TP53BP1: variants seen among roughly 807,000 people sequenced by gnomAD.
TP53BP1 encodes the protein tumor protein p53 binding protein 1, also known as TP53-binding protein 1.
In TP53BP1, 61 loss-of-function variants were observed where a neutral mutation model predicts 200.8. That is an observed-to-expected ratio of 0.30 (90% CI 0.25 to 0.38). The LOEUF is 0.38. Ranked by LOEUF, TP53BP1 falls within the 10% of genes least tolerant of loss-of-function variation. The probability of loss-of-function intolerance (pLI) is 1.00; values close to 1 mark genes in which losing one functional copy is unlikely to be tolerated. For synonymous variants in TP53BP1, 822 were observed against 844.3 expected, an observed-to-expected ratio of 0.97 and a Z score of 0.46; for missense variants, 2,144 against 2,371.9, an observed-to-expected ratio of 0.90 and a Z score of 2.00.
rs1254058136 is a variant in TP53BP1 at position 43,491,677 on chromosome 15, C to T, written c.363G>A (p.Arg121=). The T allele has an allele frequency of 6.2e-7, 1 of 1,612,782 alleles. No individual in the cohort carries two copies. Among genetic ancestry groups the T allele is most frequent in the South Asian group, 1.1e-5 (1 of 91,052 alleles). ...QVIEQLPQPN[R]TSSVLGMSVE... Reference sequence around the variant, plus strand: ...CTTCAAACACTGTATACCTGCTTGTCCTGTTTGGCTGAGGTAACTGCTCAA... The same window carrying T: ...CTTCAAACACTGTATACCTGCTTGTTCTGTTTGGCTGAGGTAACTGCTCAA... Residue 121 remains arginine, a synonymous_variant, in exon 4 of 28, where the codon AGG becomes AGA. Coordinates refer to ENST00000382044, the MANE Select transcript of TP53BP1 (RefSeq NM_001141980.3).
chr15:43,450,033 C>T (rs2046130187), intron 12 of TP53BP1, among the ~76,000 whole-genome samples: 1 of 152,204 alleles, frequency 6.6e-6, no homozygotes, highest in Admixed American at 6.5e-5. Context: ...ATTTCTCTAA[C>T]ATTTAGCAAT....
intron 10 of TP53BP1, among the ~76,000 whole-genome samples, chr15:43,471,460 TC>T (rs1375397392): frequency 6.6e-6 from 1 of 151,956 alleles, no homozygotes; most frequent in African/African-American, 2.4e-5. Context: ...AGGGTCTCGC[TC>T]TGTTGTCCAG....
intron 1 of TP53BP1, among the ~76,000 whole-genome samples, chr15:43,499,668 CAG>C (rs1247375606): frequency 6.6e-6 from 1 of 152,178 alleles, no homozygotes; most frequent in African/African-American, 2.4e-5. Flanking sequence ...GCACATCACA[CAG>C]AGTCTCAAGA....
chr15:43,461,550 A>G lies in TP53BP1; in HGVS notation c.1390-4332T>C, dbSNP rs545099924. Reference sequence around the variant, plus strand: ...TAATTTTTAAATTGTGATCTATCACATGATAGAATGTTTTGTGGTCTACAT... The same window carrying G: ...TAATTTTTAAATTGTGATCTATCACGTGATAGAATGTTTTGTGGTCTACAT... On this transcript the variant is annotated intron_variant, in intron 11 of 27. Transcript: ENST00000382044. Among the ~76,000 whole-genome samples the G allele has an allele frequency of 4.3e-4, 66 of 152,296 alleles. 1 individual carries two copies. In the South Asian group the frequency reaches 0.013, roughly 31 times the overall value.
At chr15:43,486,750 A>C (rs2140142612) in intron 4 of TP53BP1, among the ~76,000 whole-genome samples, 1 of 152,188 alleles carries the variant, frequency 6.6e-6, no homozygotes, top group African/African-American at 2.4e-5. Context: ...CAGCCTCCTG[A>C]GTAGCTGGAA....
chr15:43,464,962 C>G (rs1005500904), intron 11 of TP53BP1, among the ~76,000 whole-genome samples: 1 of 151,664 alleles, frequency 6.6e-6, no homozygotes, highest in Non-Finnish European at 1.5e-5. Context: ...TTCTTTTTTC[C>G]TTTATATTTT....
chr15:43,420,893 A>G, intron 20 of TP53BP1, 132 bp downstream of exon 20: 1 of 1,340,286 alleles, frequency 7.5e-7, no homozygotes, highest in Non-Finnish European at 1.0e-6. Flanking sequence ...CCTCACTCTG[A>G]TCCCTGCCCA....
intron 24 of TP53BP1, 25 bp from the exon 25 acceptor site, chr15:43,409,766 T>G: frequency 8.4e-7 from 1 of 1,190,130 alleles, no homozygotes; most frequent in Non-Finnish European, 1.2e-6. Context: ...AAAACCAAGA[T>G]AATAATTACT....
At position 43,415,650 on chromosome 15, in the gene TP53BP1, G is replaced by A. The variant is rs768636864; in HGVS notation, c.5033C>T (p.Ser1678Phe). 3 of 1,614,224 alleles carry A rather than the reference G, an allele frequency of 1.9e-6. No individual in the cohort carries two copies. Among genetic ancestry groups the A allele is most frequent in the Non-Finnish European group, 2.5e-6 (3 of 1,180,038 alleles). The change falls in exon 23 of 28, where the codon TCT (serine) becomes TTT (phenylalanine). Residue 1678 changes from serine (S) to phenylalanine (F), a missense_variant. Coordinates refer to ENST00000382044, the MANE Select transcript of TP53BP1 (RefSeq NM_001141980.3). ...VLSGKRKLIT[S>F]EEERSPAKRG... ...CTTGGCAGGGGACCGTTCCTCTTCA[G>A]AAGTGATAAGTTTTCTTTTGCCTGA...
At chr15:43,410,623 G>C (rs1457573984) in intron 24 of TP53BP1, among the ~76,000 whole-genome samples, 2 of 151,678 alleles carry the variant, frequency 1.3e-5, no homozygotes, top group East Asian at 3.9e-4. Context: ...GGGAAATTAA[G>C]TTCTAATTAA....
chr15:43,496,392 T>TA (rs1267940732), upstream of TP53BP1, among the ~76,000 whole-genome samples: 1 of 152,182 alleles, frequency 6.6e-6, no homozygotes, highest in African/African-American at 2.4e-5. Context: ...ACAACAAATC[T>TA]AAATACTATA....
At chr15:43,474,388 G>A (rs2046802816) in intron 10 of TP53BP1, among the ~76,000 whole-genome samples, 1 of 151,678 alleles carries the variant, frequency 6.6e-6, no homozygotes, top group South Asian at 2.1e-4. Flanking sequence ...CCAGGCAGAG[G>A]AGGCGCCGAG....
rs1262921923 is a variant in TP53BP1, at chr15:43,407,586, G to A, written c.5747-16C>T. The A allele has an allele frequency of 1.9e-6, 3 of 1,600,326 alleles. No homozygotes were observed. The highest frequency in any genetic ancestry group is 2.6e-6 in the Non-Finnish European group (3 of 1,171,346). On this transcript the variant is annotated splice_polypyrimidine_tract_variant and intron_variant, in intron 27 of 27. Transcript: ENST00000382044. ...AAAGCAATATCTGCAAGGAGCAAGGGAAAGTGAAGAAGGAAAGGACACTCA... is the reference window on the plus strand; with the variant it reads ...AAAGCAATATCTGCAAGGAGCAAGGAAAAGTGAAGAAGGAAAGGACACTCA...
At chr15:43,489,946 T>G (rs879268939) in intron 4 of TP53BP1, among the ~76,000 whole-genome samples, 3 of 152,144 alleles carry the variant, frequency 2.0e-5, no homozygotes, top group Non-Finnish European at 4.4e-5. Flanking sequence ...AGGGTCTCAC[T>G]CTATCAACCA....
rs1318609850 is a variant in TP53BP1, at chr15:43,447,159, T to C, written c.2836+207A>G. 4 of 570,912 alleles carry C rather than the reference T, an allele frequency of 7.0e-6. No homozygotes were observed. In the East Asian group the frequency reaches 9.6e-5, roughly 14 times the overall value. The allele number at this position is 570,912 out of a possible 1,614,324, so 35.4% of individuals were successfully genotyped here. A position where few individuals can be genotyped will look rare whatever the true frequency, so the allele number is the denominator to read the frequency against. On this transcript the variant is annotated intron_variant, in intron 13 of 27. Transcript: ENST00000382044. ...TTTAAGTATTCTCTTTCTTTCTTAC[T>C]TCCCTCCACCCTTTCTTTCCTTCCT... is the stretch of plus-strand genomic sequence containing the variant.
At position 43,409,103 on chromosome 15, in the gene TP53BP1, G is replaced by A; in HGVS notation, c.5401-7C>T. 6.2e-7 allele frequency: 1 copy of A among 1,614,012 alleles called. No individual in the cohort carries two copies. The highest frequency in any genetic ancestry group is 8.5e-7 in the Non-Finnish European group (1 of 1,179,912). ...ACTGGTAAGCTGTGTTACACTGCAA[G>A]AAAAGAAGCAGAGCCAATGGGTTTG... is the stretch of plus-strand genomic sequence containing the variant. On this transcript the variant is annotated splice_polypyrimidine_tract_variant and splice_region_variant and intron_variant, in intron 25 of 27. Transcript: ENST00000382044.
chr15:43,506,478 C>G (rs553821389), intron 1 of TP53BP1, among the ~76,000 whole-genome samples: 1 of 152,184 alleles, frequency 6.6e-6, no homozygotes, highest in Admixed American at 6.5e-5. Flanking sequence ...AGTGCATAAC[C>G]AAGGAAACAG....
chr15:43,420,328 G>A lies in TP53BP1; in HGVS notation c.4658C>T (p.Ser1553Leu), dbSNP rs767934572. The change falls in exon 21 of 28, where the codon TCG becomes TTG. Residue 1553 changes from serine (S) to leucine (L), a missense_variant. By Grantham distance (145) the Ser-to-Leu change is moderately radical (BLOSUM62 -2). Transcript: ENST00000382044. ...ACCTGCACTGAAATACTCATCCTCC[G>A]AGAGGGCCGTCACTTCAGTGTCCAG... ...IPLDTEVTAL[S>L]EDEYFSAGVV... The A allele has an allele frequency of 2.2e-5, 36 of 1,613,666 alleles. No individual in the cohort carries two copies. The highest frequency in any genetic ancestry group is 3.4e-6 in the Non-Finnish European group (4 of 1,179,782).
chr15:43,412,797 T>C, intron 24 of TP53BP1: 1 of 483,786 alleles, frequency 2.1e-6, no homozygotes, highest in Non-Finnish European at 4.2e-6. Context: ...GTCACAGGTT[T>C]GTCATTATTG....
Sources: allele counts gnomAD v4.1 joint callset (sites outside exome capture counted in the v4.1 genomes callset), GRCh38; gene constraint gnomAD v4.1.1; transcripts MANE v1.5; gene names NCBI Gene and HGNC (gene_info 2026-07-23, HGNC 2026-07-21).